The following RIC1 variants were observed in gnomAD, a reference collection of about 807,000 sequenced individuals.
RIC1 encodes guanine nucleotide exchange factor subunit RIC1.
In RIC1, 88 loss-of-function variants were observed where a neutral mutation model predicts 169.0. The ratio of observed to expected loss-of-function variants is 0.52; its 90% CI spans 0.44 to 0.62. The LOEUF (loss-of-function observed/expected upper bound fraction) is 0.62, where lower values mean the gene tolerates loss of function less well. Ranked by LOEUF, RIC1 falls within the 20% of genes least tolerant of loss-of-function variation. The pLI is 0.00. For missense variants in RIC1, 1,877 were observed against 1,725.5 expected (o/e 1.09, Z -1.56); for synonymous variants, 790 against 601.5 (o/e 1.31, Z -4.59).
At chr9:5,756,692 G>T (rs566810684) in intron 16 of RIC1, among the ~76,000 whole-genome samples, 2 of 151,952 alleles carry the variant, frequency 1.3e-5, no homozygotes, top group African/African-American at 4.8e-5. Context: ...TGGTGCTCTC[G>T]ATACTTGGTG....
intron 1 of RIC1, among the ~76,000 whole-genome samples, chr9:5,637,434 C>A (rs1818024104): frequency 6.6e-6 from 1 of 152,110 alleles, no homozygotes; most frequent in African/African-American, 2.4e-5. Flanking sequence ...GGTATTCATC[C>A]CCTCAAGCAT....
chr9:5,753,157 A>G (rs956815434), intron 12 of RIC1, 43 bp from the exon 13 acceptor site: 4 of 1,536,408 alleles, frequency 2.6e-6, no homozygotes, highest in East Asian at 2.2e-5. Context: ...AAGTTTAAAT[A>G]TATTTCATAA....
intron 7 of RIC1, among the ~76,000 whole-genome samples, chr9:5,737,646 AG>A (rs1824803082): frequency 6.6e-6 from 1 of 151,756 alleles, no homozygotes; most frequent in Non-Finnish European, 1.5e-5. Context: ...TGAACAGCCC[AG>A]GGGTTAGAGG....
In RIC1 at chr9:5,763,151, T is replaced by C; in HGVS notation, c.2124T>C (p.Cys708=). ...PNNQRKLLPF[C]PPVVLAQSVE... ...CTCTCCTTCTCCAGCTGCCATTCTGTCCTCCTGTTGTACTAGCCCAGTCTG... is the reference window on the plus strand; with the variant it reads ...CTCTCCTTCTCCAGCTGCCATTCTGCCCTCCTGTTGTACTAGCCCAGTCTG... The change falls in exon 19 of 26, where the codon TGT becomes TGC. Residue 708 remains cysteine (C), a synonymous_variant. Coordinates refer to ENST00000414202, the MANE Select transcript of RIC1 (RefSeq NM_020829.4). This position sits in a 1 kb window ranked among gnomAD's most constrained non-coding sequence, Gnocchi z 5.2. 1 of 1,613,598 alleles carries C rather than the reference T, an allele frequency of 6.2e-7. No individual in the cohort carries two copies. The highest frequency in any genetic ancestry group is 8.5e-7 in the Non-Finnish European group (1 of 1,179,578).
chr9:5,670,990 C>G (rs956177191), intron 2 of RIC1, among the ~76,000 whole-genome samples: 2 of 151,982 alleles, frequency 1.3e-5, no homozygotes, highest in African/African-American at 2.4e-5. Flanking sequence ...AGCCCTCCGC[C>G]GTCAGAAATG....
chr9:5,673,716 T>C (rs1438678988), intron 2 of RIC1, among the ~76,000 whole-genome samples: 1 of 151,526 alleles, frequency 6.6e-6, no homozygotes, highest in East Asian at 1.9e-4. Context: ...CAGAAAACAC[T>C]AAGTGAAAAA....
intron 1 of RIC1, among the ~76,000 whole-genome samples, chr9:5,633,710 C>T (rs1316895999): frequency 1.3e-5 from 2 of 152,080 alleles, no homozygotes; most frequent in African/African-American, 4.8e-5. Context: ...CACACAGCTC[C>T]CTCTTTTTTT....
intron 2 of RIC1, among the ~76,000 whole-genome samples, chr9:5,679,752 G>C (rs1820699192): frequency 6.6e-6 from 1 of 152,148 alleles, no homozygotes; most frequent in Non-Finnish European, 1.5e-5. Flanking sequence ...TGATACGATG[G>C]GGTTTTCTAG....
At position 5,754,833 on chromosome 9, in the gene RIC1, AT is replaced by A; in HGVS notation, c.1603-4del. On this transcript the variant is annotated splice_region_variant and splice_polypyrimidine_tract_variant and intron_variant, in intron 14 of 25. Coordinates refer to ENST00000414202, the MANE Select transcript of RIC1 (RefSeq NM_020829.4). Reference sequence around the variant, plus strand: ...AAGGTAAATTTTTTAAAAAATTTTTATTTTAAGGAGCAAAATATGATCGTGA... The same window carrying A: ...AAGGTAAATTTTTTAAAAAATTTTTATTTAAGGAGCAAAATATGATCGTGA... 6.5e-7 allele frequency: 1 copy of A among 1,536,088 alleles called. No homozygotes were observed. Among genetic ancestry groups the A allele is most frequent in the Non-Finnish European group, 8.8e-7 (1 of 1,130,420 alleles).
At chr9:5,719,932 A>G (rs780422013) in intron 4 of RIC1, among the ~76,000 whole-genome samples, 15 of 152,002 alleles carry the variant, frequency 9.9e-5, no homozygotes, top group Admixed American at 6.6e-4. Context: ...TGCTGTTTCA[A>G]TATTTGTAGT....
chr9:5,747,598 C>G (rs1294884023), intron 12 of RIC1, 93 bp downstream of exon 12: 1 of 1,127,742 alleles, frequency 8.9e-7, no homozygotes, highest in Non-Finnish European at 1.3e-6. Flanking sequence ...TAACTTCAGG[C>G]AACTGAGAAT....
intron 12 of RIC1, 29 bp downstream of exon 12, chr9:5,747,534 A>T: frequency 6.4e-7 from 1 of 1,562,312 alleles, no homozygotes; most frequent in East Asian, 2.2e-5. Flanking sequence ...ATTACTAGAG[A>T]CTTATTCTTT....
At chr9:5,704,644 G>A (rs865845201) in intron 3 of RIC1, among the ~76,000 whole-genome samples, 5 of 151,776 alleles carry the variant, frequency 3.3e-5, no homozygotes, top group Admixed American at 1.3e-4. Flanking sequence ...CACTTTCTTG[G>A]TAGTGTATTT....
intron 2 of RIC1, among the ~76,000 whole-genome samples, chr9:5,683,911 A>G (rs953574990): frequency 4.6e-5 from 7 of 152,092 alleles, no homozygotes; most frequent in African/African-American, 1.7e-4. Context: ...GCTAGCAATG[A>G]GCGAGGCTCC....
intron 2 of RIC1, among the ~76,000 whole-genome samples, chr9:5,686,103 C>A (rs1468583684): frequency 6.6e-6 from 1 of 151,242 alleles, no homozygotes; most frequent in African/African-American, 2.4e-5. Context: ...GTTAGAATGG[C>A]AATCATTAAA....
intron 6 of RIC1, among the ~76,000 whole-genome samples, chr9:5,721,032 C>T (rs986678393): frequency 1.3e-5 from 2 of 152,108 alleles, no homozygotes; most frequent in African/African-American, 4.8e-5. Flanking sequence ...TTTTTAATCT[C>T]CACTACTCTG....
chr9:5,654,844 C>T lies in RIC1; in HGVS notation c.145-1739C>T, dbSNP rs139249975. ...TAGGGATTACAGGCATGAGCTACTG[C>T]GCCTGGCCTGCAAATGTGTTTATAA... On this transcript the variant is annotated intron_variant, in intron 1 of 25. Coordinates refer to ENST00000414202, the MANE Select transcript of RIC1 (RefSeq NM_020829.4). 8.8e-4 allele frequency among the ~76,000 whole-genome samples: 134 copies of T among 152,242 alleles called. 1 individual carries two copies. Among genetic ancestry groups the T allele is most frequent in the Non-Finnish European group, 1.1e-3 (75 of 68,008 alleles).
chr9:5,709,950 G>GT (rs1272663667), intron 3 of RIC1, among the ~76,000 whole-genome samples: 3 of 152,132 alleles, frequency 2.0e-5, no homozygotes, highest in Non-Finnish European at 4.4e-5. Flanking sequence ...ACGGTTTCCA[G>GT]TTTTAAGATA....
At chr9:5,755,493 G>A (rs1250277661) in intron 15 of RIC1, among the ~76,000 whole-genome samples, 1 of 152,144 alleles carries the variant, frequency 6.6e-6, no homozygotes, top group Non-Finnish European at 1.5e-5. Context: ...TTAGTATACT[G>A]TACTCACCTA....
Sources: gnomAD v4.1 joint callset for allele counts (sites outside exome capture counted in the v4.1 genomes callset) on GRCh38, gnomAD v4.1.1 for gene constraint, Gnocchi (gnomAD v3.1) non-coding constraint, MANE v1.5 for transcripts, NCBI Gene and HGNC (gene_info 2026-07-23, HGNC 2026-07-21) for gene names.